The following ASIC1 variants were observed in gnomAD, a reference collection of about 807,000 sequenced individuals.
The protein encoded by ASIC1 is acid sensing ion channel subunit 1.
A neutral mutation model predicts 63.4 loss-of-function variants in ASIC1; 21 were observed. The ratio of observed to expected loss-of-function variants is 0.33; its 90% CI spans 0.23 to 0.48. ASIC1 has a LOEUF of 0.48. Ranked by LOEUF, ASIC1 falls within the 20% of genes least tolerant of loss-of-function variation. The pLI is 0.99. For missense variants in ASIC1, 478 were observed against 695.5 expected (o/e 0.69, Z 3.52); for synonymous variants, 258 against 278.2 (o/e 0.93, Z 0.72).
At chr12:50,080,740 G>A (rs1462565408) in intron 9 of ASIC1, 151 bp downstream of exon 9, 4 of 1,605,248 alleles carry the variant, frequency 2.5e-6, no homozygotes, top group African/African-American at 2.7e-5. Context: ...AAGTGGTGAG[G>A]GAAGGGAACT....
At position 50,074,196 on chromosome 12, in the gene ASIC1, C is replaced by G. The variant is rs1481246412; in HGVS notation, c.559-3017C>G. On this transcript the variant is annotated intron_variant, in intron 3 of 11. Transcript: ENST00000447966. This position sits in a 1 kb window ranked among gnomAD's most constrained non-coding sequence, Gnocchi z 4.2. Reference sequence around the variant, plus strand: ...GCCACCGGCTGGAGGACATGCTGCTCTATTGCTCCTACCAAGGGGGACCCT... The same window carrying G: ...GCCACCGGCTGGAGGACATGCTGCTGTATTGCTCCTACCAAGGGGGACCCT... The G allele has an allele frequency of 6.6e-7, 1 of 1,526,476 alleles. No individual in the cohort carries two copies. The highest frequency in any genetic ancestry group is 1.4e-5 in the African/African-American group (1 of 72,742). The allele number at this position is 1,526,476 out of a possible 1,614,324, so 94.6% of individuals were successfully genotyped here. A position where few individuals can be genotyped will look rare whatever the true frequency, so the allele number is the denominator to read the frequency against.
intron 3 of ASIC1, among the ~76,000 whole-genome samples, chr12:50,065,921 C>G (rs1950541011): frequency 6.6e-6 from 1 of 152,246 alleles, no homozygotes. Flanking sequence ...CCATCTCAGA[C>G]TTCCTCACAA....
intron 3 of ASIC1, among the ~76,000 whole-genome samples, chr12:50,076,264 TGA>T (rs1006542279): frequency 2.0e-5 from 3 of 152,044 alleles, no homozygotes; most frequent in African/African-American, 7.2e-5. Flanking sequence ...GTCAGGAGTT[TGA>T]GACCAGCCTG....
chr12:50,073,774 TTGG>T (rs1950623637), intron 3 of ASIC1: 1 of 1,535,988 alleles, frequency 6.5e-7, no homozygotes, highest in African/African-American at 1.4e-5. Context: ...ACCCATGGAC[TTGG>T]TGGCCTTTGC....
intron 3 of ASIC1, among the ~76,000 whole-genome samples, chr12:50,072,425 G>A (rs1240330413): frequency 6.6e-6 from 1 of 152,162 alleles, no homozygotes; most frequent in African/African-American, 2.4e-5. Flanking sequence ...AGAACACACA[G>A]AGGGGCCAGG....
chr12:50,077,202 G>T lies in ASIC1; in HGVS notation c.559-11G>T, dbSNP rs764543926. 3 of 1,604,730 alleles carry T rather than the reference G, an allele frequency of 1.9e-6. No individual in the cohort carries two copies. The Admixed American group carries it at 5.0e-5, about 27-fold the overall frequency. ...GCAGGACTCTTAGGCTCTCCACTCT[G>T]CCCTCGCCAGGTCTTCACACGCTAT... On this transcript the variant is annotated splice_polypyrimidine_tract_variant and intron_variant, in intron 3 of 11. Transcript: ENST00000447966.
Position 50,078,211 on chromosome 12 carries a change from C to T in ASIC1, c.837+84C>T. On this transcript the variant is annotated intron_variant, in intron 5 of 11. Transcript: ENST00000447966. The surrounding 1 kb of genome is among the most constrained non-coding windows in gnomAD (Gnocchi z 6.0). ...GGTGGGCAATCAGTAATGGGAAGGA[C>T]AGGTGAGCAAGGACCTGGGTGGTAA... 1.9e-6 allele frequency: 3 copies of T among 1,552,064 alleles called. No individual in the cohort carries two copies. The highest frequency in any genetic ancestry group is 2.6e-6 in the Non-Finnish European group (3 of 1,151,632).
Position 50,059,710 on chromosome 12 carries a change from G to A in ASIC1, c.363-49G>A, listed in dbSNP as rs1029602109. 1.9e-6 allele frequency: 3 copies of A among 1,574,828 alleles called. No individual in the cohort carries two copies. The highest frequency in any genetic ancestry group is 1.2e-5 in the South Asian group (1 of 86,006). On this transcript the variant is annotated intron_variant, in intron 2 of 11. Transcript: ENST00000447966. This position sits in a 1 kb window ranked among gnomAD's most constrained non-coding sequence, Gnocchi z 4.6. ...CCCCCATCACCCAAGTTGGGTGCAG[G>A]ACACTGATGACTGTACTGACCCGTG... is the stretch of plus-strand genomic sequence containing the variant.
intron 3 of ASIC1, among the ~76,000 whole-genome samples, chr12:50,072,581 A>C (rs925189460): frequency 3.3e-5 from 5 of 152,144 alleles, no homozygotes; most frequent in Non-Finnish European, 5.9e-5. Context: ...CCCCACCCCC[A>C]GCACTGATCT....
intron 3 of ASIC1, chr12:50,070,863 T>C (rs1382923936): frequency 6.6e-6 from 1 of 152,380 alleles, no homozygotes; most frequent in Non-Finnish European, 1.5e-5. Flanking sequence ...CACAGGTTCA[T>C]GCAGGAGAAG....
At position 50,077,169 on chromosome 12, in the gene ASIC1, G is replaced by C. The variant is rs1490532807; in HGVS notation, c.559-44G>C. 1.9e-6 allele frequency: 3 copies of C among 1,605,884 alleles called. No homozygotes were observed. The South Asian group carries it at 3.3e-5, about 18-fold the overall frequency. On this transcript the variant is annotated intron_variant, in intron 3 of 11. Coordinates refer to ENST00000447966, the MANE Select transcript of ASIC1 (RefSeq NM_001095.4). ...CTAGGAACAGCCCTTGGTGAGTAGA[G>C]GGTGCTGGCAGGACTCTTAGGCTCT...
In ASIC1 at chr12:50,067,410, GTT is replaced by G. The variant is rs35238318; in HGVS notation, c.558+7471_558+7472del. 8.6e-4 allele frequency among the ~76,000 whole-genome samples: 115 copies of G among 134,184 alleles called. 2 individuals are homozygous for G. The highest frequency in any genetic ancestry group is 1.3e-3 in the African/African-American group (47 of 35,976). The allele number at this position is 134,184 out of a possible 152,430, so 88.0% of individuals were successfully genotyped here. ...GTTGCCCACCAACTCTTCTGCTGTT[GTT>G]TTTTTTTTTTTTTTGAGACGGAGTT... On this transcript the variant is annotated intron_variant, in intron 3 of 11. Coordinates refer to ENST00000447966, the MANE Select transcript of ASIC1 (RefSeq NM_001095.4).
rs935588112 is a variant in ASIC1, at chr12:50,059,915, C to T, written c.519C>T (p.His173=). 3.7e-6 allele frequency: 6 copies of T among 1,614,062 alleles called. No individual in the cohort carries two copies. The highest frequency in any genetic ancestry group is 1.7e-5 in the Admixed American group (1 of 60,010). The change falls in exon 3 of 12, where the codon CAC becomes CAT. Residue 173 remains histidine, a synonymous_variant. Coordinates refer to ENST00000447966, the MANE Select transcript of ASIC1 (RefSeq NM_001095.4). The surrounding 1 kb of genome is among the most constrained non-coding windows in gnomAD (Gnocchi z 4.6). ...TTCGAGACATGCTGCTCTCCTGCCACTTCCGGGGGGAGGTCTGCAGCGCTG... is the reference window on the plus strand; with the variant it reads ...TTCGAGACATGCTGCTCTCCTGCCATTTCCGGGGGGAGGTCTGCAGCGCTG... The part of the protein sequence containing the change: ...HDIRDMLLSC[H]FRGEVCSAED...
intron 9 of ASIC1, 95 bp from the exon 10 acceptor site, chr12:50,081,006 CT>C: frequency 8.6e-7 from 1 of 1,163,090 alleles, no homozygotes; most frequent in Non-Finnish European, 1.2e-6. Context: ...CTACCAATCC[CT>C]TTGAGAATAC....
In ASIC1 at chr12:50,080,570, T is replaced by C. The variant is rs750145054; in HGVS notation, c.1278T>C (p.Tyr426=). Residue 426 remains tyrosine, a synonymous_variant, in exon 9 of 12, where the codon TAT becomes TAC. Coordinates refer to ENST00000447966, the MANE Select transcript of ASIC1 (RefSeq NM_001095.4). ...AGACCATTGAACAGAAGAAGGCCTA[T>C]GAGATTGCAGGGCTCCTGGGTGAGC... ...NYETIEQKKA[Y]EIAGLLGDIG... is the part of the protein sequence containing the mutation. The C allele has an allele frequency of 6.3e-7, 1 of 1,597,080 alleles. No individual in the cohort carries two copies. Among genetic ancestry groups the C allele is most frequent in the Admixed American group, 1.7e-5 (1 of 59,892 alleles).
intron 3 of ASIC1, among the ~76,000 whole-genome samples, chr12:50,065,246 C>T (rs1485668287): frequency 6.6e-6 from 1 of 152,126 alleles, no homozygotes; most frequent in African/African-American, 2.4e-5. Flanking sequence ...TACCTTCTGA[C>T]CTATAACGTC....
At chr12:50,081,236 C>A in intron 10 of ASIC1, 24 bp from the exon 11 acceptor site, 1 of 1,604,280 alleles carries the variant, frequency 6.2e-7, no homozygotes, top group Non-Finnish European at 8.5e-7. Flanking sequence ...TCCAGCCCGC[C>A]CACCTGCCCC....
chr12:50,081,264 T>G lies in ASIC1; in HGVS notation c.1382T>G (p.Ile461Ser). 6.2e-7 allele frequency: 1 copy of G among 1,608,170 alleles called. No individual in the cohort carries two copies. The highest frequency in any genetic ancestry group is 8.5e-7 in the Non-Finnish European group (1 of 1,177,450). ...LELFDYAYEV[I>S]KHKLCRRGKC... ...CCTGCCCCGTCCCCGTCCTAGGTCA[T>G]TAAGCACAAGCTGTGCCGACGAGGA... Residue 461 changes from isoleucine (I) to serine (S), a missense_variant, in exon 11 of 12, where the codon ATT (isoleucine) becomes AGT (serine). Ile to Ser is a moderately radical substitution (Grantham distance 142). This residue lies in a region of ASIC1 where 104 missense variants were observed against 97.0 expected (regional missense o/e 1.07). Coordinates refer to ENST00000447966, the MANE Select transcript of ASIC1 (RefSeq NM_001095.4).
intron 7 of ASIC1, among the ~76,000 whole-genome samples, chr12:50,079,181 G>T (rs954893093): frequency 1.3e-5 from 2 of 152,172 alleles, no homozygotes; most frequent in East Asian, 3.9e-4. Context: ...GGAGGCTGAG[G>T]TGGGCAAATT....
Sources: gnomAD v4.1 joint callset for allele counts (sites outside exome capture counted in the v4.1 genomes callset) on GRCh38, gnomAD v4.1.1 for gene constraint, gnomAD v4.1.1 regional missense constraint, Gnocchi (gnomAD v3.1) non-coding constraint, MANE v1.5 for transcripts, NCBI Gene and HGNC (gene_info 2026-07-23, HGNC 2026-07-21) for gene names.